LDB2: variants seen among roughly 807,000 people sequenced by gnomAD.
LDB2 encodes LIM domain-binding protein 2.
Under a neutral mutation model 44.3 loss-of-function variants are expected in LDB2, and 12 were observed. That is an observed-to-expected ratio of 0.27 (90% CI 0.17 to 0.44). The LOEUF (loss-of-function observed/expected upper bound fraction) is 0.44. Ranked by LOEUF, LDB2 falls within the 20% of genes least tolerant of loss-of-function variation. The pLI, the probability that LDB2 is intolerant of heterozygous loss-of-function variation, is 1.00. For missense variants in LDB2, 344 were observed against 473.5 expected, an observed-to-expected ratio of 0.73 and a Z score of 2.54; for synonymous variants, 164 against 174.8, an observed-to-expected ratio of 0.94 and a Z score of 0.49.
intron 2 of LDB2, among the ~76,000 whole-genome samples, chr4:16,743,021 G>A (rs1763650474): frequency 6.6e-6 from 1 of 152,112 alleles, no homozygotes; most frequent in South Asian, 2.1e-4. Flanking sequence ...CAGGTGTGGT[G>A]GCTCACACCT....
At chr4:16,734,512 T>C (rs1265364322) in intron 2 of LDB2, among the ~76,000 whole-genome samples, 1 of 152,114 alleles carries the variant, frequency 6.6e-6, no homozygotes, top group Non-Finnish European at 1.5e-5. Flanking sequence ...CCAACAAACA[T>C]AGTTGCACTG....
At chr4:16,704,607 T>A (rs982987917) in intron 2 of LDB2, among the ~76,000 whole-genome samples, 1 of 152,196 alleles carries the variant, frequency 6.6e-6, no homozygotes, top group Non-Finnish European at 1.5e-5. Flanking sequence ...TGGCTACAGC[T>A]CAAAGCAAGA....
chr4:16,670,068 G>A (rs146590047), intron 2 of LDB2, among the ~76,000 whole-genome samples: 625 of 152,330 alleles, frequency 4.1e-3, no homozygotes, highest in African/African-American at 0.015. Flanking sequence ...AATATTTTCT[G>A]TCTGGTCCTT....
intron 2 of LDB2, among the ~76,000 whole-genome samples, chr4:16,666,359 A>T (rs925636105): frequency 6.6e-6 from 1 of 152,208 alleles, no homozygotes; most frequent in Non-Finnish European, 1.5e-5. Context: ...GAAGGCAAAA[A>T]AAAAGGCTAC....
At chr4:16,850,020 T>G (rs1219181970) in intron 1 of LDB2, among the ~76,000 whole-genome samples, 1 of 152,160 alleles carries the variant, frequency 6.6e-6, no homozygotes, top group African/African-American at 2.4e-5. Flanking sequence ...ATTAATAAAC[T>G]TTGCATCTAT....
At chr4:16,783,626 C>T (rs1174424414) in intron 1 of LDB2, among the ~76,000 whole-genome samples, 1 of 152,210 alleles carries the variant, frequency 6.6e-6, no homozygotes, top group Non-Finnish European at 1.5e-5. Context: ...TGTACTGTGT[C>T]CTGCAGTTTG....
At chr4:16,769,887 G>A (rs939633291) in intron 1 of LDB2, among the ~76,000 whole-genome samples, 4 of 152,036 alleles carry the variant, frequency 2.6e-5, no homozygotes, top group African/African-American at 9.7e-5. Context: ...TGAGAAAGTC[G>A]CATATTAAAA....
chr4:16,729,809 G>A (rs1013371603), intron 2 of LDB2, among the ~76,000 whole-genome samples: 1 of 152,104 alleles, frequency 6.6e-6, no homozygotes, highest in African/African-American at 2.4e-5. Flanking sequence ...ACAAAACTCT[G>A]GCACTGAGCA....
At chr4:16,760,990 ACTT>A (rs1358974331) in intron 1 of LDB2, among the ~76,000 whole-genome samples, 3 of 150,280 alleles carry the variant, frequency 2.0e-5, no homozygotes, top group Admixed American at 6.6e-5. Flanking sequence ...GTACGAATCC[ACTT>A]CTTCTGTGTG....
chr4:16,825,406 T>C (rs868555115), intron 1 of LDB2, among the ~76,000 whole-genome samples: 3 of 152,166 alleles, frequency 2.0e-5, no homozygotes, highest in African/African-American at 7.2e-5. Flanking sequence ...TCTGAGTGCA[T>C]TGAATCCCCA....
At chr4:16,624,046 C>A (rs1348925005) in intron 2 of LDB2, among the ~76,000 whole-genome samples, 2 of 152,116 alleles carry the variant, frequency 1.3e-5, no homozygotes, top group African/African-American at 2.4e-5. Flanking sequence ...ACAAAGGTAC[C>A]AGTACCATTA....
At chr4:16,893,140 T>C (rs1381439860) in intron 1 of LDB2, 54 of 837,376 alleles carry the variant, frequency 6.4e-5, no homozygotes, top group Non-Finnish European at 7.8e-5. Flanking sequence ...TTTTTAAAAC[T>C]GCACTTTTGG....
chr4:16,746,991 G>A (rs2109068055), intron 2 of LDB2, among the ~76,000 whole-genome samples: 1 of 152,270 alleles, frequency 6.6e-6, no homozygotes, highest in Admixed American at 6.5e-5. Context: ...GGAAGCTGCA[G>A]CAGGACCTCA....
intron 2 of LDB2, among the ~76,000 whole-genome samples, chr4:16,657,271 G>T (rs1740145078): frequency 6.6e-6 from 1 of 152,174 alleles, no homozygotes; most frequent in Non-Finnish European, 1.5e-5. Context: ...TTATCTATCT[G>T]CTGGATAGTG....
Position 16,739,589 on chromosome 4 carries a change from A to AAAT in LDB2, c.235+19568_235+19569insATT, listed in dbSNP as rs1553994410. ...TGACAGAGGGAAAAAAAAAAAAAAA[A>AAAT]ATATATATATATATATATATGTATA... On this transcript the variant is annotated intron_variant, in intron 2 of 7. Coordinates refer to ENST00000304523, the MANE Select transcript of LDB2 (RefSeq NM_001290.5). Among the ~76,000 whole-genome samples the AAAT allele has an allele frequency of 9.3e-4, 60 of 64,332 alleles. 11 individuals carry two copies. Among genetic ancestry groups the AAAT allele is most frequent in the Non-Finnish European group, 1.3e-3 (47 of 35,520 alleles). The allele number at this position is 64,332 out of a possible 152,430, so 42.2% of individuals were successfully genotyped here.
intron 2 of LDB2, among the ~76,000 whole-genome samples, chr4:16,681,982 G>A (rs749698202): frequency 2.0e-5 from 3 of 152,090 alleles, no homozygotes; most frequent in Non-Finnish European, 4.4e-5. Context: ...GACAGAGGAC[G>A]GGTGCCTATT....
At chr4:16,686,482 G>C (rs745875879) in intron 2 of LDB2, among the ~76,000 whole-genome samples, 2 of 152,200 alleles carry the variant, frequency 1.3e-5, no homozygotes, top group African/African-American at 4.8e-5. Flanking sequence ...TTGTGCTCTT[G>C]CTCTTGTGTG....
At chr4:16,894,980 CTT>C (rs1724494209) in intron 1 of LDB2, among the ~76,000 whole-genome samples, 1 of 151,794 alleles carries the variant, frequency 6.6e-6, no homozygotes, top group South Asian at 2.1e-4. Context: ...GGAACTCACA[CTT>C]TTCTGGTGTT....
intron 1 of LDB2, among the ~76,000 whole-genome samples, chr4:16,844,082 A>G (rs1426419986): frequency 9.2e-6 from 1 of 108,504 alleles, no homozygotes; most frequent in African/African-American, 3.4e-5. Context: ...GCAAGACCCC[A>G]TCTCTAAAAA....
Sources: allele counts gnomAD v4.1 joint callset (sites outside exome capture counted in the v4.1 genomes callset), GRCh38; gene constraint gnomAD v4.1.1; transcripts MANE v1.5; gene names NCBI Gene and HGNC (gene_info 2026-07-23, HGNC 2026-07-21).